CNTNAP5: variants seen among roughly 807,000 people sequenced by gnomAD.
CNTNAP5 encodes the protein contactin associated protein family member 5.
In CNTNAP5, 72 loss-of-function variants were observed where a neutral mutation model predicts 150.2. The ratio of observed to expected loss-of-function variants is 0.48; its 90% CI spans 0.40 to 0.58. The LOEUF (loss-of-function observed/expected upper bound fraction) is 0.58, where lower values mean the gene tolerates loss of function less well. Ranked by LOEUF, CNTNAP5 falls within the 20% of genes least tolerant of loss-of-function variation. The pLI is 0.00. For synonymous variants in CNTNAP5, 672 were observed against 619.8 expected, an observed-to-expected ratio of 1.08 and a Z score of -1.25; for missense variants, 1,636 against 1,626.2, an observed-to-expected ratio of 1.01 and a Z score of -0.10.
chr2:124,462,157 C>T (rs1693271417), intron 6 of CNTNAP5, among the ~76,000 whole-genome samples: 1 of 151,984 alleles, frequency 6.6e-6, no homozygotes, highest in African/African-American at 2.4e-5. Context: ...GAAAAACGAA[C>T]AGGATTTGAG....
chr2:124,238,951 G>A (rs1272864437), intron 2 of CNTNAP5, among the ~76,000 whole-genome samples: 1 of 152,162 alleles, frequency 6.6e-6, no homozygotes, highest in Admixed American at 6.5e-5. Flanking sequence ...TTCAACAGCA[G>A]GAAAGAGTCC....
chr2:124,663,075 G>T (rs1306822245), intron 13 of CNTNAP5, among the ~76,000 whole-genome samples: 10 of 152,152 alleles, frequency 6.6e-5, no homozygotes, highest in Non-Finnish European at 1.3e-4. Flanking sequence ...AATCCCGTGA[G>T]GTGTAGGTTA....
chr2:124,224,924 T>C (rs970242399), intron 2 of CNTNAP5, among the ~76,000 whole-genome samples: 3 of 152,138 alleles, frequency 2.0e-5, no homozygotes, highest in African/African-American at 7.2e-5. Flanking sequence ...TAGAAGCAAT[T>C]ATAACACTGT....
chr2:124,875,706 T>G (rs1481857251), intron 21 of CNTNAP5, among the ~76,000 whole-genome samples: 1 of 151,484 alleles, frequency 6.6e-6, no homozygotes, highest in African/African-American at 2.4e-5. Context: ...GGGTTTTTTT[T>G]TTTTTTTTTC....
At chr2:124,734,114 G>T (rs913863576) in intron 13 of CNTNAP5, among the ~76,000 whole-genome samples, 7 of 152,032 alleles carry the variant, frequency 4.6e-5, no homozygotes. Context: ...GACTTTTTAG[G>T]CATTTGTGTA....
chr2:124,800,640 A>T (rs577306283), intron 19 of CNTNAP5, among the ~76,000 whole-genome samples: 74 of 152,326 alleles, frequency 4.9e-4, no homozygotes, highest in African/African-American at 1.7e-3. Flanking sequence ...AATCTATTTC[A>T]TTGAGAAAGC....
chr2:124,481,308 T>C (rs1693758381), intron 7 of CNTNAP5, among the ~76,000 whole-genome samples: 2 of 152,220 alleles, frequency 1.3e-5, no homozygotes, highest in African/African-American at 4.8e-5. Context: ...TTTCAATATA[T>C]GAATTTCAGG....
At chr2:124,527,197 T>G in intron 9 of CNTNAP5, 88 bp from the exon 10 acceptor site, 2 of 1,107,096 alleles carry the variant, frequency 1.8e-6, no homozygotes, top group Non-Finnish European at 2.6e-6. Flanking sequence ...CCAAACTAAT[T>G]AGACCTCAAG....
At chr2:124,838,673 C>T (rs777749763) in intron 19 of CNTNAP5, among the ~76,000 whole-genome samples, 5 of 152,102 alleles carry the variant, frequency 3.3e-5, no homozygotes, top group Non-Finnish European at 5.9e-5. Flanking sequence ...TCTCCATTTC[C>T]GCTCTTCACT....
intron 1 of CNTNAP5, among the ~76,000 whole-genome samples, chr2:124,180,305 T>A (rs1390595207): frequency 6.6e-6 from 1 of 152,226 alleles, no homozygotes; most frequent in African/African-American, 2.4e-5. Flanking sequence ...CTGCTTGTTT[T>A]CTGGAAGCGC....
chr2:124,775,654 G>T (rs1334091149), intron 17 of CNTNAP5, among the ~76,000 whole-genome samples: 3 of 152,258 alleles, frequency 2.0e-5, no homozygotes, highest in Admixed American at 2.0e-4. Flanking sequence ...ATGAGTCAAT[G>T]CATACTGGAT....
intron 12 of CNTNAP5, among the ~76,000 whole-genome samples, chr2:124,644,165 G>T (rs1420663239): frequency 6.6e-6 from 1 of 152,174 alleles, no homozygotes; most frequent in African/African-American, 2.4e-5. Context: ...TGGTCAAAAT[G>T]AATTTTGCTT....
At chr2:124,328,822 G>A (rs1044423946) in intron 3 of CNTNAP5, among the ~76,000 whole-genome samples, 1 of 152,142 alleles carries the variant, frequency 6.6e-6, no homozygotes, top group Non-Finnish European at 1.5e-5. Context: ...GATGGTTGTA[G>A]AAACTGCTGG....
At chr2:124,229,649 A>G (rs1303958184) in intron 2 of CNTNAP5, among the ~76,000 whole-genome samples, 1 of 152,184 alleles carries the variant, frequency 6.6e-6, no homozygotes, top group Admixed American at 6.5e-5. Context: ...TTTGTCAAAT[A>G]TGATTTGTTT....
intron 10 of CNTNAP5, among the ~76,000 whole-genome samples, chr2:124,529,398 G>A (rs1004121242): frequency 2.6e-5 from 4 of 152,132 alleles, no homozygotes; most frequent in South Asian, 2.1e-4. Flanking sequence ...TTGTAGTCTT[G>A]TATAATTGTA....
At chr2:124,624,873 C>T (rs1361799433) in intron 12 of CNTNAP5, among the ~76,000 whole-genome samples, 1 of 152,154 alleles carries the variant, frequency 6.6e-6, no homozygotes, top group Admixed American at 6.5e-5. Context: ...TATCCAGCAG[C>T]TGCTGGTATT....
At chr2:124,084,953 G>A (rs1283988192) in intron 1 of CNTNAP5, among the ~76,000 whole-genome samples, 5 of 42,518 alleles carry the variant, frequency 1.2e-4, no homozygotes, top group Non-Finnish European at 2.0e-4. Flanking sequence ...ACGGAGTCTC[G>A]CTTTGTTGCC....
At chr2:124,219,393 C>T (rs1439657157) in intron 1 of CNTNAP5, among the ~76,000 whole-genome samples, 1 of 152,044 alleles carries the variant, frequency 6.6e-6, no homozygotes, top group Non-Finnish European at 1.5e-5. Context: ...CTACTATATA[C>T]AATAGCTATA....
chr2:124,297,999 C>A (rs761232374), intron 3 of CNTNAP5, among the ~76,000 whole-genome samples: 46 of 151,938 alleles, frequency 3.0e-4, no homozygotes, highest in Non-Finnish European at 6.2e-4. Context: ...TGCTCACCAC[C>A]ACGCCTGGCT....
Sources: gnomAD v4.1 joint callset for allele counts (sites outside exome capture counted in the v4.1 genomes callset) on GRCh38, gnomAD v4.1.1 for gene constraint, MANE v1.5 for transcripts, NCBI Gene and HGNC (gene_info 2026-07-23, HGNC 2026-07-21) for gene names.